Variants in INPP5A observed in about 807,000 individuals in gnomAD.
The protein encoded by INPP5A is inositol polyphosphate-5-phosphatase A, also known as 43 kDa inositol polyphosphate 5-phophatase.
INPP5A carries 14 observed loss-of-function variants against 65.2 expected under a neutral mutation model. That is an observed-to-expected ratio of 0.21 (90% CI 0.14 to 0.34). The LOEUF is 0.34. Among genes scored for constraint, INPP5A ranks in the 10% least tolerant of loss-of-function variants. INPP5A has a pLI of 1.00. For missense variants in INPP5A, 431 were observed against 545.6 expected (o/e 0.79, Z 2.09); for synonymous variants, 207 against 208.3 (o/e 0.99, Z 0.05).
Position 132,723,625 on chromosome 10 carries a change from ATTGGTTT to A in INPP5A, c.648-3194_648-3188del, listed in dbSNP as rs1463165344. Among the ~76,000 whole-genome samples, 616 of 126,982 alleles carry A rather than the reference ATTGGTTT, an allele frequency of 4.9e-3. 4 individuals are homozygous for A. Among genetic ancestry groups the A allele is most frequent in the Non-Finnish European group, 6.3e-3 (391 of 61,602 alleles). 83.3% of individuals were successfully genotyped at this position (126,982 alleles called of 152,430 possible). ...TTTTGTGGGGATTGGCCGTGTGGGG[ATTGGTTT>A]TGTGGGGATTGGCCATGTGGGGATT... On this transcript the variant is annotated intron_variant, in intron 8 of 15. Coordinates refer to ENST00000368594, the MANE Select transcript of INPP5A (RefSeq NM_005539.5).
chr10:132,566,233 G>C (rs1335409698), intron 1 of INPP5A, among the ~76,000 whole-genome samples: 1 of 152,212 alleles, frequency 6.6e-6, no homozygotes, highest in Non-Finnish European at 1.5e-5. Context: ...AAATTGACCA[G>C]TTATTAGGAA....
intron 4 of INPP5A, among the ~76,000 whole-genome samples, chr10:132,688,802 G>A (rs977628795): frequency 4.9e-5 from 7 of 142,562 alleles, no homozygotes; most frequent in African/African-American, 1.9e-4. Flanking sequence ...GTGCGTGTGT[G>A]CACCAGTGTG....
At chr10:132,607,558 T>G (rs1299605441) in intron 1 of INPP5A, among the ~76,000 whole-genome samples, 1 of 152,240 alleles carries the variant, frequency 6.6e-6, no homozygotes, top group African/African-American at 2.4e-5. Context: ...TCTTGCTTGT[T>G]GAAGCTGGGT....
At position 132,651,638 on chromosome 10, in the gene INPP5A, C is replaced by T. The variant is rs2072578424; in HGVS notation, c.306+1133C>T. 6.6e-6 allele frequency among the ~76,000 whole-genome samples: 1 copy of T among 152,198 alleles called. No individual in the cohort carries two copies. The highest frequency in any genetic ancestry group is 6.5e-5 in the Admixed American group (1 of 15,288). On this transcript the variant is annotated intron_variant, in intron 4 of 15. Transcript: ENST00000368594. The surrounding 1 kb of genome is among the most constrained non-coding windows in gnomAD (Gnocchi z 5.0). The stretch of plus-strand genomic sequence containing the variant: ...CGTGACAGGCCCTTGTTAATCTGCC[C>T]TCTCCCAGGTGGGCCCCCGTAGGCT...
intron 4 of INPP5A, among the ~76,000 whole-genome samples, chr10:132,687,219 C>T (rs115306342): frequency 1.0e-3 from 159 of 152,380 alleles, no homozygotes; most frequent in African/African-American, 3.7e-3. Flanking sequence ...GCTGGTATTA[C>T]AGGCGTGAGC....
chr10:132,589,001 G>T (rs1028537152), intron 1 of INPP5A, among the ~76,000 whole-genome samples: 2 of 151,474 alleles, frequency 1.3e-5, no homozygotes, highest in African/African-American at 4.9e-5. Flanking sequence ...TGTCGCCATC[G>T]GTGGTCACTG....
chr10:132,609,921 C>T (rs1338070499), intron 2 of INPP5A, among the ~76,000 whole-genome samples: 1 of 152,254 alleles, frequency 6.6e-6, no homozygotes, highest in African/African-American at 2.4e-5. Flanking sequence ...GGATTATAGG[C>T]ATGAGCCACC....
intron 1 of INPP5A, among the ~76,000 whole-genome samples, chr10:132,578,871 T>C (rs2071444431): frequency 6.6e-6 from 1 of 152,002 alleles, no homozygotes; most frequent in Non-Finnish European, 1.5e-5. Context: ...GCGGCCGTAG[T>C]CTTAGGGAGG....
At chr10:132,700,951 G>A (rs1163236038) in intron 6 of INPP5A, among the ~76,000 whole-genome samples, 2 of 152,166 alleles carry the variant, frequency 1.3e-5, no homozygotes, top group Admixed American at 6.5e-5. Context: ...TTGTGTAGTC[G>A]ATCAGGGTGA....
chr10:132,758,600 G>GC (rs1281014762), intron 11 of INPP5A, among the ~76,000 whole-genome samples: 8 of 151,836 alleles, frequency 5.3e-5, no homozygotes, highest in African/African-American at 1.9e-4. Context: ...GACCCCATGG[G>GC]CCAGTGCGAT....
chr10:132,763,330 T>G (rs1332055540), intron 11 of INPP5A, among the ~76,000 whole-genome samples: 1 of 152,200 alleles, frequency 6.6e-6, no homozygotes, highest in African/African-American at 2.4e-5. Flanking sequence ...CCCTGCTGCC[T>G]CCTCACCTCC....
chr10:132,743,729 C>A (rs1272506112), intron 9 of INPP5A, among the ~76,000 whole-genome samples: 1 of 152,240 alleles, frequency 6.6e-6, no homozygotes, highest in Non-Finnish European at 1.5e-5. Flanking sequence ...CGGTCACACC[C>A]TTGCTAAGCT....
chr10:132,569,231 T>C (rs2071308638), intron 1 of INPP5A, among the ~76,000 whole-genome samples: 1 of 152,228 alleles, frequency 6.6e-6, no homozygotes, highest in Non-Finnish European at 1.5e-5. Flanking sequence ...TGTTTTTCTT[T>C]TGGATTGTCA....
chr10:132,646,853 G>A (rs1053876948), intron 3 of INPP5A, among the ~76,000 whole-genome samples: 38 of 152,342 alleles, frequency 2.5e-4, no homozygotes, highest in African/African-American at 8.7e-4. Context: ...GTGGGTTGAC[G>A]CTGCTGCCAT....
chr10:132,682,923 G>C (rs1309990452), intron 4 of INPP5A, among the ~76,000 whole-genome samples: 1 of 152,028 alleles, frequency 6.6e-6, no homozygotes, highest in African/African-American at 2.4e-5. Flanking sequence ...CTATGTGGCG[G>C]GCACGTGTCT....
intron 12 of INPP5A, among the ~76,000 whole-genome samples, chr10:132,766,107 T>C (rs1031450944): frequency 6.6e-6 from 1 of 151,554 alleles, no homozygotes; most frequent in African/African-American, 2.4e-5. Flanking sequence ...CACGAGTGCA[T>C]CTGTGTGTGC....
intron 12 of INPP5A, among the ~76,000 whole-genome samples, chr10:132,769,719 C>T (rs1027349239): frequency 1.3e-5 from 2 of 152,112 alleles, no homozygotes; most frequent in Admixed American, 6.5e-5. Flanking sequence ...TTGGTCTGCC[C>T]GGCTCCCCAG....
At chr10:132,654,459 C>G (rs1033026508) in intron 4 of INPP5A, among the ~76,000 whole-genome samples, 1 of 152,326 alleles carries the variant, frequency 6.6e-6, no homozygotes, top group Middle Eastern at 3.4e-3. Flanking sequence ...CGGAACGCTG[C>G]CCCCTGGGCC....
intron 1 of INPP5A, among the ~76,000 whole-genome samples, chr10:132,596,821 G>A (rs1417318494): frequency 6.6e-6 from 1 of 151,386 alleles, no homozygotes; most frequent in Non-Finnish European, 1.5e-5. Flanking sequence ...GTGTGTCCAT[G>A]TGTTTGCTTG....
Sources: allele counts gnomAD v4.1 joint callset (sites outside exome capture counted in the v4.1 genomes callset), GRCh38; gene constraint gnomAD v4.1.1; non-coding constraint Gnocchi (gnomAD v3.1); transcripts MANE v1.5; gene names NCBI Gene and HGNC (gene_info 2026-07-23, HGNC 2026-07-21).